PACRG: variants seen among roughly 807,000 people sequenced by gnomAD.
The protein encoded by PACRG is parkin coregulated.
A neutral mutation model predicts 29.7 loss-of-function variants in PACRG; 29 were observed. That is an observed-to-expected ratio of 0.98 (90% CI 0.73 to 1.33). The LOEUF is 1.33. Ranked by LOEUF, PACRG falls within the 40% of genes most tolerant of loss-of-function variation. PACRG has a pLI of 0.00. For synonymous variants in PACRG, 116 were observed against 118.7 expected, an observed-to-expected ratio of 0.98 and a Z score of 0.15; for missense variants, 279 against 316.2, an observed-to-expected ratio of 0.88 and a Z score of 0.89.
chr6:163,227,205 C>T (rs796812193), intron 4 of PACRG, among the ~76,000 whole-genome samples: 11 of 152,210 alleles, frequency 7.2e-5, no homozygotes, highest in African/African-American at 1.7e-4. Flanking sequence ...CAGGAGGCCT[C>T]GGGAAGCTTC....
intron 2 of PACRG, among the ~76,000 whole-genome samples, chr6:162,845,314 T>C (rs1482803397): frequency 6.6e-6 from 1 of 151,920 alleles, no homozygotes; most frequent in Non-Finnish European, 1.5e-5. Context: ...TACTCACATG[T>C]CCAAACCGTG....
chr6:163,274,509 T>C (rs1783955428), intron 4 of PACRG, among the ~76,000 whole-genome samples: 1 of 152,226 alleles, frequency 6.6e-6, no homozygotes, highest in Non-Finnish European at 1.5e-5. Context: ...CATGTCTCTT[T>C]ATAGCAGCAT....
chr6:163,246,008 C>T (rs984082666), intron 4 of PACRG, among the ~76,000 whole-genome samples: 1 of 152,184 alleles, frequency 6.6e-6, no homozygotes. Flanking sequence ...CTGCCTCTTG[C>T]CTGGATTGCT....
chr6:162,934,298 G>A (rs913926779), intron 2 of PACRG, among the ~76,000 whole-genome samples: 2 of 151,964 alleles, frequency 1.3e-5, no homozygotes, highest in African/African-American at 2.4e-5. Context: ...AAGAGAATGA[G>A]AACTCACTTC....
intron 4 of PACRG, among the ~76,000 whole-genome samples, chr6:163,195,651 G>A (rs1780419659): frequency 1.3e-5 from 2 of 152,180 alleles, no homozygotes; most frequent in South Asian, 4.1e-4. Flanking sequence ...CTGCGCCTCG[G>A]CGGCTGAGGA....
Position 162,989,685 on chromosome 6 carries a change from C to T in PACRG, c.292-72465C>T, listed in dbSNP as rs759201929. Among the ~76,000 whole-genome samples the T allele has an allele frequency of 9.5e-4, 144 of 151,496 alleles. 1 individual carries two copies. Among genetic ancestry groups the T allele is most frequent in the Admixed American group, 1.7e-3 (26 of 15,224 alleles). ...TTGGATTGAATCCACAGATTGAAAACCCGCAGATATGGAGGGCTGACTGTG... is the reference window on the plus strand; with the variant it reads ...TTGGATTGAATCCACAGATTGAAAATCCGCAGATATGGAGGGCTGACTGTG... On this transcript the variant is annotated intron_variant, in intron 2 of 4. Coordinates refer to ENST00000366888, the MANE Select transcript of PACRG (RefSeq NM_001080379.2).
intron 4 of PACRG, among the ~76,000 whole-genome samples, chr6:163,188,013 G>A (rs548215433): frequency 6.6e-6 from 1 of 152,308 alleles, no homozygotes; most frequent in Admixed American, 6.5e-5. Flanking sequence ...CCCAAAATGA[G>A]CATATCTCTT....
At chr6:163,145,091 C>A (rs1409985552) in intron 4 of PACRG, among the ~76,000 whole-genome samples, 1 of 152,164 alleles carries the variant, frequency 6.6e-6, no homozygotes, top group African/African-American at 2.4e-5. Flanking sequence ...TCCCACCCAA[C>A]CCACCATGAG....
In PACRG at chr6:163,199,358, C is replaced by T. The variant is rs140805645; in HGVS notation, c.613+109950C>T. On this transcript the variant is annotated intron_variant, in intron 4 of 4. Coordinates refer to ENST00000366888, the MANE Select transcript of PACRG (RefSeq NM_001080379.2). Reference sequence around the variant, plus strand: ...TCCACTTTCACCAGAGGGCCTTCAGCTAGGACAGAGGCTCCTCCAGGGTTT... The same window carrying T: ...TCCACTTTCACCAGAGGGCCTTCAGTTAGGACAGAGGCTCCTCCAGGGTTT... Among the ~76,000 whole-genome samples, 22 of 152,340 alleles carry T rather than the reference C, an allele frequency of 1.4e-4. 1 individual carries two copies. In the East Asian group the frequency reaches 4.2e-3, roughly 29 times the overall value.
At chr6:163,193,111 A>G (rs1780290241) in intron 4 of PACRG, among the ~76,000 whole-genome samples, 1 of 152,236 alleles carries the variant, frequency 6.6e-6, no homozygotes, top group South Asian at 2.1e-4. Flanking sequence ...GAATATTTAT[A>G]AAAATAAATT....
intron 4 of PACRG, among the ~76,000 whole-genome samples, chr6:163,280,348 C>T (rs935266599): frequency 7.2e-5 from 11 of 152,170 alleles, no homozygotes; most frequent in African/African-American, 2.7e-4. Flanking sequence ...CCTGTCTGGG[C>T]TGTCTCAACA....
intron 4 of PACRG, among the ~76,000 whole-genome samples, chr6:163,236,588 C>T (rs1337576481): frequency 6.6e-6 from 1 of 152,146 alleles, no homozygotes; most frequent in Non-Finnish European, 1.5e-5. Context: ...TCTTTTCCTA[C>T]CCTCGGGTGA....
chr6:162,872,013 T>G (rs1355684556), intron 2 of PACRG, among the ~76,000 whole-genome samples: 1 of 152,196 alleles, frequency 6.6e-6, no homozygotes, highest in Admixed American at 6.6e-5. Flanking sequence ...CTGTAAGATA[T>G]GTTTTAAGAT....
At chr6:163,021,080 C>T (rs1806569796) in intron 2 of PACRG, among the ~76,000 whole-genome samples, 1 of 152,148 alleles carries the variant, frequency 6.6e-6, no homozygotes, top group African/African-American at 2.4e-5. Flanking sequence ...CTTCTTTCTC[C>T]CCAAAACACT....
chr6:163,252,406 C>T (rs140930711), intron 4 of PACRG, among the ~76,000 whole-genome samples: 1,576 of 152,308 alleles, frequency 0.01, 29 homozygotes, highest in African/African-American at 0.035. Flanking sequence ...AATCACTGCA[C>T]GGGTGATTCT....
At chr6:163,014,866 T>C (rs1805947763) in intron 2 of PACRG, among the ~76,000 whole-genome samples, 1 of 152,178 alleles carries the variant, frequency 6.6e-6, no homozygotes, top group Admixed American at 6.5e-5. Flanking sequence ...GATCCATTTG[T>C]CAGTTTTTGT....
At chr6:163,276,008 C>CTTTCTTTCTTTCTTTCTTTCTTTCT (rs1784010401) in intron 4 of PACRG, among the ~76,000 whole-genome samples, 1 of 140,576 alleles carries the variant, frequency 7.1e-6, no homozygotes, top group African/African-American at 2.8e-5. Flanking sequence ...TCCTTCCTTC[C>CTTTCTTTCTTTCTTTCTTTCTTTCT]TTCTTTCTTT....
At chr6:162,943,286 G>T (rs568034551) in intron 2 of PACRG, among the ~76,000 whole-genome samples, 3 of 152,112 alleles carry the variant, frequency 2.0e-5, no homozygotes, top group African/African-American at 4.8e-5. Context: ...CATCCCTGAG[G>T]CCCATTGATA....
At chr6:163,199,786 C>G (rs994978501) in intron 4 of PACRG, among the ~76,000 whole-genome samples, 5 of 152,158 alleles carry the variant, frequency 3.3e-5, no homozygotes, top group African/African-American at 1.2e-4. Context: ...AACCACAATT[C>G]AGTGTGGTTC....
Sources: gnomAD v4.1 joint callset for allele counts (sites outside exome capture counted in the v4.1 genomes callset) on GRCh38, gnomAD v4.1.1 for gene constraint, MANE v1.5 for transcripts, NCBI Gene and HGNC (gene_info 2026-07-23, HGNC 2026-07-21) for gene names.